Variants in NR2F1-AS1 observed in about 807,000 individuals in gnomAD.
NR2F1-AS1 encodes the protein NR2F1 antisense RNA 1.
At chr5:93,435,638 G>T (rs1226074299) in intron 4 of NR2F1-AS1, among the ~76,000 whole-genome samples, 1 of 152,276 alleles carries the variant, frequency 6.6e-6, no homozygotes, top group East Asian at 1.9e-4. Context: ...CATACCCTCT[G>T]CCTGGAATGC....
intron 4 of NR2F1-AS1, among the ~76,000 whole-genome samples, chr5:93,415,317 T>G (rs1304960718): frequency 6.6e-6 from 1 of 152,192 alleles, no homozygotes; most frequent in Non-Finnish European, 1.5e-5. Context: ...AGTGGGGGTC[T>G]CATATCCCTG....
At chr5:93,455,843 G>A (rs562722581) in intron 4 of NR2F1-AS1, among the ~76,000 whole-genome samples, 2,966 of 145,870 alleles carry the variant, frequency 0.02, 113 homozygotes, top group African/African-American at 0.07. Context: ...ACACACACAC[G>A]CACACACACA....
At chr5:93,418,353 C>T (rs1749011714) in intron 4 of NR2F1-AS1, among the ~76,000 whole-genome samples, 1 of 152,062 alleles carries the variant, frequency 6.6e-6, no homozygotes, top group Non-Finnish European at 1.5e-5. Context: ...CTTTGGGAGG[C>T]CAAGGTGGGC....
intron 2 of NR2F1-AS1, among the ~76,000 whole-genome samples, chr5:93,562,829 A>G (rs1014287859): frequency 2.0e-5 from 3 of 152,324 alleles, no homozygotes; most frequent in Non-Finnish European, 4.4e-5. Flanking sequence ...TAAAAACTCA[A>G]TAAATATGTG....
At chr5:93,418,338 C>T (rs1408903441) in intron 4 of NR2F1-AS1, among the ~76,000 whole-genome samples, 1 of 152,084 alleles carries the variant, frequency 6.6e-6, no homozygotes, top group Non-Finnish European at 1.5e-5. Context: ...CCTGTAATCC[C>T]AGCACTTTGG....
At chr5:93,540,804 T>C (rs1028423936) in intron 4 of NR2F1-AS1, among the ~76,000 whole-genome samples, 1 of 151,944 alleles carries the variant, frequency 6.6e-6, no homozygotes, top group Non-Finnish European at 1.5e-5. Flanking sequence ...TACAATAAAA[T>C]TGTGGTACAG....
At chr5:93,439,879 A>G (rs1356658674) in intron 4 of NR2F1-AS1, among the ~76,000 whole-genome samples, 1 of 152,174 alleles carries the variant, frequency 6.6e-6, no homozygotes, top group Non-Finnish European at 1.5e-5. Flanking sequence ...ATGTTTCAGC[A>G]TTTAGTACAC....
At chr5:93,434,438 G>A (rs1320877342) in intron 4 of NR2F1-AS1, among the ~76,000 whole-genome samples, 3 of 152,062 alleles carry the variant, frequency 2.0e-5, no homozygotes, top group African/African-American at 7.2e-5. Flanking sequence ...CACAATTGCT[G>A]TATCATTCTT....
At chr5:93,477,767 TGAG>T (rs1750515814) in intron 4 of NR2F1-AS1, among the ~76,000 whole-genome samples, 1 of 152,220 alleles carries the variant, frequency 6.6e-6, no homozygotes, top group Admixed American at 6.5e-5. Flanking sequence ...TTATTCTTTC[TGAG>T]TAGTTACCAA....
chr5:93,510,710 T>C (rs1027153869), intron 4 of NR2F1-AS1, among the ~76,000 whole-genome samples: 2 of 152,186 alleles, frequency 1.3e-5, no homozygotes, highest in African/African-American at 4.8e-5. Flanking sequence ...CTAAAACATA[T>C]ATTAGCCAGG....
In NR2F1-AS1 at chr5:93,492,258, T is replaced by G. The variant is rs141021217; in HGVS notation, n.638+61503A>C. 4.3e-3 allele frequency among the ~76,000 whole-genome samples: 648 copies of G among 152,166 alleles called. 5 individuals carry two copies. Among genetic ancestry groups the G allele is most frequent in the African/African-American group, 0.015 (612 of 41,534 alleles). On this transcript the variant is annotated intron_variant and non_coding_transcript_variant, in intron 4 of 5. Coordinates refer to ENST00000660523, the Ensembl canonical transcript of NR2F1-AS1. The stretch of plus-strand genomic sequence containing the variant: ...CAAAACTGATTTAAGAAGTAAAAAA[T>G]CTTAACAGATCTAAAGAAAAAACCT...
At chr5:93,560,533 G>A (rs1752464042) in intron 2 of NR2F1-AS1, among the ~76,000 whole-genome samples, 1 of 152,122 alleles carries the variant, frequency 6.6e-6, no homozygotes, top group Non-Finnish European at 1.5e-5. Flanking sequence ...AAATTTGTAA[G>A]CTTTAGCCAG....
intron 4 of NR2F1-AS1, among the ~76,000 whole-genome samples, chr5:93,500,930 T>G (rs1432885992): frequency 6.6e-6 from 1 of 152,134 alleles, no homozygotes; most frequent in Non-Finnish European, 1.5e-5. Context: ...TCTTATTAAT[T>G]AAAAAATACA....
chr5:93,526,585 C>G (rs1490915086), intron 4 of NR2F1-AS1, among the ~76,000 whole-genome samples: 3 of 152,020 alleles, frequency 2.0e-5, no homozygotes, highest in African/African-American at 7.2e-5. Flanking sequence ...AACATCGATG[C>G]AAAAATCCTC....
chr5:93,521,908 G>A (rs1450522764), intron 4 of NR2F1-AS1, among the ~76,000 whole-genome samples: 2 of 152,124 alleles, frequency 1.3e-5, no homozygotes, highest in African/African-American at 4.8e-5. Context: ...ACATGCATGT[G>A]GCTGTTCATT....
At chr5:93,516,204 G>A (rs1213394957) in intron 4 of NR2F1-AS1, among the ~76,000 whole-genome samples, 6 of 151,772 alleles carry the variant, frequency 4.0e-5, no homozygotes, top group Admixed American at 1.3e-4. Flanking sequence ...TGTTTTCAAA[G>A]GAAGTAAACA....
chr5:93,470,801 T>C (rs1448107048), intron 4 of NR2F1-AS1, among the ~76,000 whole-genome samples: 1 of 151,890 alleles, frequency 6.6e-6, no homozygotes, highest in African/African-American at 2.4e-5. Flanking sequence ...TTTCTGATTT[T>C]ACTACAAAAT....
At chr5:93,495,681 T>C (rs564332733) in intron 4 of NR2F1-AS1, among the ~76,000 whole-genome samples, 8 of 152,240 alleles carry the variant, frequency 5.3e-5, no homozygotes, top group African/African-American at 1.7e-4. Flanking sequence ...ATACATGTAC[T>C]TTATAAAATT....
chr5:93,417,088 C>T (rs926834327), intron 4 of NR2F1-AS1, among the ~76,000 whole-genome samples: 104 of 152,278 alleles, frequency 6.8e-4, no homozygotes, highest in African/African-American at 2.5e-3. Context: ...TGCCACACTA[C>T]TTCATTATCT....
Sources: gnomAD v4.1 joint callset for allele counts (sites outside exome capture counted in the v4.1 genomes callset) on GRCh38, gnomAD v4.1.1 for gene constraint, MANE v1.5 for transcripts, NCBI Gene and HGNC (gene_info 2026-07-23, HGNC 2026-07-21) for gene names.